The following WNK2 variants were observed in gnomAD, a reference collection of about 807,000 sequenced individuals.
The protein encoded by WNK2 is serine/threonine-protein kinase WNK2.
A neutral mutation model predicts 192.1 loss-of-function variants in WNK2; 67 were observed. The observed-to-expected ratio is 0.35, with a 90% CI of 0.29 to 0.43. The LOEUF is 0.43. WNK2 is among the 20% of genes least tolerant of loss of function. WNK2 has a pLI of 1.00. For missense variants in WNK2, 2,698 were observed against 3,089.7 expected (o/e 0.87, Z 3.01); for synonymous variants, 1,439 against 1,393.9 (o/e 1.03, Z -0.72).
At chr9:93,276,734 G>A (rs1443721928) in intron 19 of WNK2, among the ~76,000 whole-genome samples, 1 of 152,154 alleles carries the variant, frequency 6.6e-6, no homozygotes, top group Non-Finnish European at 1.5e-5. Context: ...ACAGTAAAAT[G>A]AGCATAAAAA....
rs1843826150 is a variant in WNK2, at chr9:93,259,404, ACAACCCGTGCTGCCCCCG to A, written c.2863_2880del (p.Val955_Pro960del). The A allele has an allele frequency of 2.5e-6, 3 of 1,214,100 alleles. No individual in the cohort carries two copies. Among genetic ancestry groups the A allele is most frequent in the African/African-American group, 2.6e-5 (1 of 38,800 alleles). The allele number at this position is 1,214,100 out of a possible 1,614,324, so 75.2% of individuals were successfully genotyped here. ...TGCCTCCACAACCCACACTGCCCCC[ACAACCCGTGCTGCCCCCG>A]CAACCCACGCTGCCCCCTCAACCTG... On this transcript the variant is annotated inframe_deletion, in exon 12 of 30. Coordinates refer to ENST00000427277, the MANE Select transcript of WNK2 (RefSeq NM_006648.4). The surrounding 1 kb of genome is among the most constrained non-coding windows in gnomAD (Gnocchi z 4.8).
In WNK2 at chr9:93,288,941, AAGATGGAGCAGCTCC is replaced by A. The variant is rs746412625; in HGVS notation, c.4190_4204del (p.Asp1397_Pro1401del). 411 of 1,604,322 alleles carry A rather than the reference AAGATGGAGCAGCTCC, an allele frequency of 2.6e-4. 1 individual carries two copies. Among genetic ancestry groups the A allele is most frequent in the Non-Finnish European group, 3.3e-4 (392 of 1,176,398 alleles). On this transcript the variant is annotated inframe_deletion, in exon 20 of 30. Coordinates refer to ENST00000427277, the MANE Select transcript of WNK2 (RefSeq NM_006648.4). ...TCCCCTCCTGTGACTGCTCTGCCCC[AAGATGGAGCAGCTCC>A]AGCCACCAGCACCATGCCAGAGCCA...
intron 24 of WNK2, 29 bp from the exon 25 acceptor site, chr9:93,299,041 T>G: frequency 2.5e-6 from 4 of 1,596,492 alleles, no homozygotes; most frequent in Non-Finnish European, 3.4e-6. Context: ...CGCCTCATCG[T>G]GCCTGTCGCC....
chr9:93,312,161 A>T (rs1853781391), intron 28 of WNK2, among the ~76,000 whole-genome samples: 7 of 152,124 alleles, frequency 4.6e-5, no homozygotes, highest in Admixed American at 4.6e-4. Flanking sequence ...TCCAGATATT[A>T]ATCCCTTATC....
Position 93,282,287 on chromosome 9 carries a change from C to T in WNK2, c.4034-6501C>T, listed in dbSNP as rs1203316351. 1.1e-4 allele frequency among the ~76,000 whole-genome samples: 4 copies of T among 37,068 alleles called. No individual in the cohort carries two copies. In the East Asian group the frequency reaches 0.016, roughly 147 times the overall value. The allele number at this position is 37,068 out of a possible 152,430, so 24.3% of individuals were successfully genotyped here. A position where few individuals can be genotyped will look rare whatever the true frequency, so the allele number is the denominator to read the frequency against. On this transcript the variant is annotated intron_variant, in intron 19 of 29. Transcript: ENST00000427277. ...GACTCGTAGAATAGCAGATAACCTC[C>T]ACACTTGTGGAGGGGGCAGGTGGGG...
At chr9:93,317,075 A>G (rs891962565) in intron 28 of WNK2, 1 of 220,890 alleles carries the variant, frequency 4.5e-6, no homozygotes, top group African/African-American at 2.3e-5. Context: ...CTGCCTTGCC[A>G]TCACCTCCCT....
chr9:93,194,359 C>G (rs533947713), intron 2 of WNK2, among the ~76,000 whole-genome samples: 1 of 152,124 alleles, frequency 6.6e-6, no homozygotes, highest in African/African-American at 2.4e-5. Context: ...ATTCTTAAAA[C>G]TCAACAATAA....
In WNK2 at chr9:93,259,321, C is replaced by T. The variant is rs777273757; in HGVS notation, c.2773C>T (p.Pro925Ser). 3 of 1,613,522 alleles carry T rather than the reference C, an allele frequency of 1.9e-6. No individual in the cohort carries two copies. In the South Asian group the frequency reaches 3.3e-5, roughly 18 times the overall value. The part of the protein sequence containing the change: ...AFPQMAPTDV[P>S]PSPHHTVQNM... ...CCCACAGATGGCGCCTACTGACGTC[C>T]CTCCTTCCCCCCATCACACGGTGCA... Residue 925 changes from proline (P) to serine (S), a missense_variant, in exon 12 of 30, where the codon CCT becomes TCT. By Grantham distance (74) the Pro-to-Ser change is moderately conservative (BLOSUM62 -1). This residue lies in a region of WNK2 where 893 missense variants were observed against 909.0 expected (regional missense o/e 0.98). Coordinates refer to ENST00000427277, the MANE Select transcript of WNK2 (RefSeq NM_006648.4). The surrounding 1 kb of genome is among the most constrained non-coding windows in gnomAD (Gnocchi z 4.8).
intron 2 of WNK2, among the ~76,000 whole-genome samples, chr9:93,189,937 CAGA>C (rs1407928596): frequency 2.6e-5 from 4 of 152,198 alleles, no homozygotes; most frequent in Non-Finnish European, 5.9e-5. Flanking sequence ...GTGCCGGGCA[CAGA>C]GGAGGTGCAT....
chr9:93,228,819 G>A (rs903250274), intron 2 of WNK2, among the ~76,000 whole-genome samples: 1 of 152,200 alleles, frequency 6.6e-6, no homozygotes, highest in South Asian at 2.1e-4. Context: ...AGGATCCAGG[G>A]GGACTATAGT....
intron 2 of WNK2, among the ~76,000 whole-genome samples, chr9:93,206,448 C>G (rs1251317115): frequency 6.6e-6 from 1 of 152,160 alleles, no homozygotes; most frequent in Non-Finnish European, 1.5e-5. Context: ...GCCTGGGGAC[C>G]CAGGAGACCC....
Position 93,317,551 on chromosome 9 carries a change from C to G in WNK2, c.6548C>G (p.Pro2183Arg). 1 of 1,613,576 alleles carries G rather than the reference C, an allele frequency of 6.2e-7. No homozygotes were observed. The highest frequency in any genetic ancestry group is 8.5e-7 in the Non-Finnish European group (1 of 1,179,864). ...MTAPRAGVGM[P>R]RLPPAPGPLS... ...GCACCTCGAGCAGGAGTGGGGATGC[C>G]ACGTCTGCCCCCAGCGCCCGGCCCT... Residue 2183 changes from proline (P) to arginine (R), a missense_variant, in exon 29 of 30, where the codon CCA becomes CGA. Coordinates refer to ENST00000427277, the MANE Select transcript of WNK2 (RefSeq NM_006648.4).
rs977303184 is a variant in WNK2, at chr9:93,254,115, C to T, written c.2034+1033C>T. ...TGTTTTTAGTAGACACCAGGTTTCA[C>T]CATGTTGGCCAGCCTGGTCTCGAAC... On this transcript the variant is annotated intron_variant, in intron 9 of 29. Transcript: ENST00000427277. Among the ~76,000 whole-genome samples the T allele has an allele frequency of 3.9e-5, 6 of 152,160 alleles. No individual in the cohort carries two copies. In the East Asian group the frequency reaches 7.7e-4, roughly 20 times the overall value.
chr9:93,184,925 C>A lies in WNK2; in HGVS notation c.-2-3C>A. On this transcript the variant is annotated splice_region_variant and splice_polypyrimidine_tract_variant and intron_variant, in intron 1 of 29. Transcript: ENST00000427277. ...CGCGGGCCTGTGTGTCCTTGGCCCA[C>A]AGAGATGGACGGCGATGGCGGCCGC... The A allele has an allele frequency of 8.2e-7, 1 of 1,225,604 alleles. No individual in the cohort carries two copies. Among genetic ancestry groups the A allele is most frequent in the Non-Finnish European group, 1.0e-6 (1 of 984,958 alleles). The allele number at this position is 1,225,604 out of a possible 1,614,324, so 75.9% of individuals were successfully genotyped here.
At chr9:93,295,163 G>A (rs1850028379) in intron 23 of WNK2, among the ~76,000 whole-genome samples, 1 of 152,184 alleles carries the variant, frequency 6.6e-6, no homozygotes, top group South Asian at 2.1e-4. Context: ...AGTGGTCCAG[G>A]GCACCCCCTG....
chr9:93,248,152 G>T (rs1842052059), intron 8 of WNK2, among the ~76,000 whole-genome samples: 1 of 152,258 alleles, frequency 6.6e-6, no homozygotes, highest in African/African-American at 2.4e-5. Context: ...TTCCAGGGTG[G>T]TGGGGCCAGC....
chr9:93,197,882 G>A (rs1043617866), intron 2 of WNK2, among the ~76,000 whole-genome samples: 2 of 152,222 alleles, frequency 1.3e-5, no homozygotes, highest in Admixed American at 6.5e-5. Context: ...TGCTGCATGT[G>A]TAGGTCAGAT....
At chr9:93,304,996 T>C (rs920828251) in intron 26 of WNK2, among the ~76,000 whole-genome samples, 3 of 152,160 alleles carry the variant, frequency 2.0e-5, no homozygotes, top group Admixed American at 1.3e-4. Flanking sequence ...CTCCAGACAC[T>C]CCAGACCCCA....
intron 2 of WNK2, among the ~76,000 whole-genome samples, chr9:93,209,571 G>A (rs956391464): frequency 2.0e-5 from 3 of 152,218 alleles, no homozygotes; most frequent in Admixed American, 2.0e-4. Flanking sequence ...CTTCAGAGGG[G>A]GTTCTGTAGG....
Sources: allele counts gnomAD v4.1 joint callset (sites outside exome capture counted in the v4.1 genomes callset), GRCh38; gene constraint gnomAD v4.1.1; regional missense constraint gnomAD v4.1.1; non-coding constraint Gnocchi (gnomAD v3.1); transcripts MANE v1.5; gene names NCBI Gene and HGNC (gene_info 2026-07-23, HGNC 2026-07-21).